Variants in PLN observed in about 807,000 individuals in gnomAD.
The protein encoded by PLN is phospholamban.
Under a neutral mutation model 3.9 loss-of-function variants are expected in PLN, and 1 was observed. The ratio of observed to expected loss-of-function variants is 0.26; its 90% CI spans 0.09 to 1.23. The LOEUF is 1.23. PLN is among the 50% of genes most tolerant of loss of function. The pLI is 0.48. For missense variants in PLN, 59 were observed against 62.7 expected (o/e 0.94, Z 0.20); for synonymous variants, 21 against 20.5 (o/e 1.02, Z -0.07).
intron 1 of PLN, among the ~76,000 whole-genome samples, chr6:118,556,637 G>GATGTATA (rs1364686152): frequency 6.6e-6 from 1 of 152,262 alleles, no homozygotes; most frequent in African/African-American, 2.4e-5. Flanking sequence ...GCTTTTATGG[G>GATGTATA]ATGTATAAAA....
At chr6:118,553,512 AT>A (rs1006181030) in intron 1 of PLN, among the ~76,000 whole-genome samples, 1 of 152,192 alleles carries the variant, frequency 6.6e-6, no homozygotes, top group African/African-American at 2.4e-5. Flanking sequence ...AATAAATTAA[AT>A]GTATATCATT....
intron 1 of PLN, among the ~76,000 whole-genome samples, chr6:118,549,389 G>A (rs1048179134): frequency 6.6e-6 from 1 of 151,708 alleles, no homozygotes; most frequent in African/African-American, 2.4e-5. Flanking sequence ...CCTCAATTTA[G>A]TAAATGAAAC....
At chr6:118,553,696 CAGTT>C (rs1375455803) in intron 1 of PLN, among the ~76,000 whole-genome samples, 2 of 152,124 alleles carry the variant, frequency 1.3e-5, no homozygotes, top group Admixed American at 1.3e-4. Flanking sequence ...TTTTCAATAA[CAGTT>C]AGCTGTTGTA....
At position 118,552,627 on chromosome 6, in the gene PLN, CA is replaced by C. The variant is rs1346479165; in HGVS notation, c.-98+4245del. Among the ~76,000 whole-genome samples the C allele has an allele frequency of 9.0e-5, 13 of 144,438 alleles. 1 individual carries two copies. Among genetic ancestry groups the C allele is most frequent in the African/African-American group, 1.3e-4 (5 of 39,570 alleles). The allele number at this position is 144,438 out of a possible 152,430, so 94.8% of individuals were successfully genotyped here. On this transcript the variant is annotated intron_variant, in intron 1 of 1. Transcript: ENST00000357525. ...GCTTTTCTATTTCCTTCTTCCACCT[CA>C]AAAAAAAAACCAGAATACCATCTTG...
chr6:118,548,965 T>C (rs1186344575), intron 1 of PLN, among the ~76,000 whole-genome samples: 1 of 152,006 alleles, frequency 6.6e-6, no homozygotes, highest in Non-Finnish European at 1.5e-5. Context: ...CTTGAGGATG[T>C]TTCCCCTCTA....
At chr6:118,553,817 T>C (rs1778688823) in intron 1 of PLN, among the ~76,000 whole-genome samples, 1 of 152,188 alleles carries the variant, frequency 6.6e-6, no homozygotes, top group African/African-American at 2.4e-5. Flanking sequence ...AACCCATTTA[T>C]ACAAAGCCTA....
intron 1 of PLN, among the ~76,000 whole-genome samples, chr6:118,558,197 C>T (rs1389512057): frequency 2.0e-5 from 3 of 152,158 alleles, no homozygotes; most frequent in African/African-American, 2.4e-5. Context: ...GGGAACTGCC[C>T]GCCTTGGCCT....
chr6:118,555,418 A>C (rs1338754498), intron 1 of PLN, among the ~76,000 whole-genome samples: 1 of 114,650 alleles, frequency 8.7e-6, no homozygotes, highest in African/African-American at 3.4e-5. Flanking sequence ...ACACAGCAAG[A>C]CTGTCTCAAA....
At chr6:118,558,710 G>A in intron 1 of PLN, 115 bp from the exon 2 acceptor site, 1 of 530,020 alleles carries the variant, frequency 1.9e-6, no homozygotes, top group Non-Finnish European at 3.4e-6. Flanking sequence ...ATAGAAACAT[G>A]ATGTTATAAA....
In PLN at chr6:118,556,546, C is replaced by T. The variant is rs577981317; in HGVS notation, c.-97-2279C>T. On this transcript the variant is annotated intron_variant, in intron 1 of 1. Transcript: ENST00000357525. ...CTAGTCATGCCTGATACTTACCTTC[C>T]CCTTTGCCATTCTTTCAGCACTTCC... Among the ~76,000 whole-genome samples the T allele has an allele frequency of 4.6e-5, 7 of 152,262 alleles. No homozygotes were observed. In the South Asian group the frequency reaches 1.5e-3, roughly 32 times the overall value.
At position 118,561,445 on chromosome 6, in the gene PLN, A is replaced by T. The variant is rs1358974471; in HGVS notation, c.*2365A>T. ...GAGGATTACAGAATACTATAACTCAAATTATAAAGTAGAATAAACTCTTTA... is the reference window on the plus strand; with the variant it reads ...GAGGATTACAGAATACTATAACTCATATTATAAAGTAGAATAAACTCTTTA... On this transcript the variant is annotated 3_prime_UTR_variant, in exon 2 of 2. Transcript: ENST00000357525. Among the ~76,000 whole-genome samples the T allele has an allele frequency of 6.6e-6, 1 of 152,124 alleles. No individual in the cohort carries two copies. The highest frequency in any genetic ancestry group is 1.5e-5 in the Non-Finnish European group (1 of 67,988).
chr6:118,548,301 C>G lies in PLN; in HGVS notation c.-189C>G, dbSNP rs1442662569. On this transcript the variant is annotated 5_prime_UTR_variant, in exon 1 of 2. Coordinates refer to ENST00000357525, the MANE Select transcript of PLN (RefSeq NM_002667.5). ...CACCTACTGCAACTGTTCCCATAAA[C>G]TGGGTGACAGAGTCAGAAAACTCCC... The G allele has an allele frequency of 1.3e-5, 2 of 152,098 alleles. No homozygotes were observed. Among genetic ancestry groups the G allele is most frequent in the Non-Finnish European group, 1.5e-5 (1 of 67,978 alleles). 9.4% of individuals were successfully genotyped at this position (152,098 alleles called of 1,614,324 possible). A position where few individuals can be genotyped will look rare whatever the true frequency, so the allele number is the denominator to read the frequency against.
At chr6:118,552,243 CAT>C (rs1223983090) in intron 1 of PLN, among the ~76,000 whole-genome samples, 2 of 151,928 alleles carry the variant, frequency 1.3e-5, no homozygotes, top group African/African-American at 4.8e-5. Context: ...ATTCTACAAA[CAT>C]AAAGAATCCC....
Position 118,559,182 on chromosome 6 carries a change from A to G in PLN, c.*102A>G. On this transcript the variant is annotated 3_prime_UTR_variant, in exon 2 of 2. Coordinates refer to ENST00000357525, the MANE Select transcript of PLN (RefSeq NM_002667.5). ...ATATTGTATAACAGACCACTTCCTG[A>G]GTAGAAGAGTTTCTTTGTGAAAAGG... 1.2e-6 allele frequency: 1 copy of G among 865,314 alleles called. No individual in the cohort carries two copies. Among genetic ancestry groups the G allele is most frequent in the Non-Finnish European group, 2.0e-6 (1 of 497,080 alleles). 53.6% of individuals were successfully genotyped at this position (865,314 alleles called of 1,614,324 possible). A position where few individuals can be genotyped will look rare whatever the true frequency, so the allele number is the denominator to read the frequency against.
intron 1 of PLN, among the ~76,000 whole-genome samples, 173 bp from the exon 2 acceptor site, chr6:118,558,652 C>CAGAGAGAGAGAG (rs1482465423): frequency 7.1e-4 from 95 of 132,926 alleles, no homozygotes; most frequent in African/African-American, 2.8e-3. Context: ...CACACACACA[C>CAGAGAGAGAGAG]ACACACACAG....
chr6:118,548,691 A>G (rs1203154880), intron 1 of PLN, among the ~76,000 whole-genome samples: 33 of 152,080 alleles, frequency 2.2e-4, no homozygotes, highest in Admixed American at 2.2e-3. Context: ...ATTTCTGCCA[A>G]TTAAAAAATC....
chr6:118,555,911 C>T (rs1483413624), intron 1 of PLN, among the ~76,000 whole-genome samples: 1 of 151,868 alleles, frequency 6.6e-6, no homozygotes, highest in Non-Finnish European at 1.5e-5. Flanking sequence ...ATTTGGTTTT[C>T]TTTTCCTATG....
intron 1 of PLN, among the ~76,000 whole-genome samples, chr6:118,553,457 T>C (rs539640175): frequency 6.6e-6 from 1 of 152,302 alleles, no homozygotes; most frequent in Admixed American, 6.5e-5. Flanking sequence ...TCAGTAGAAC[T>C]AGGATTCCAC....
chr6:118,549,763 T>C (rs777911694), intron 1 of PLN, among the ~76,000 whole-genome samples: 2 of 151,856 alleles, frequency 1.3e-5, no homozygotes, highest in Admixed American at 6.6e-5. Context: ...ACACTTCAAA[T>C]TGGGTGTTCA....
Sources: gnomAD v4.1 joint callset for allele counts (sites outside exome capture counted in the v4.1 genomes callset) on GRCh38, gnomAD v4.1.1 for gene constraint, MANE v1.5 for transcripts, NCBI Gene and HGNC (gene_info 2026-07-23, HGNC 2026-07-21) for gene names.